RASGRF2: variants seen among roughly 807,000 people sequenced by gnomAD.
RASGRF2 encodes ras-specific guanine nucleotide-releasing factor 2.
A neutral mutation model predicts 151.0 loss-of-function variants in RASGRF2; 76 were observed. That is an observed-to-expected ratio of 0.50 (90% CI 0.42 to 0.61). The LOEUF (loss-of-function observed/expected upper bound fraction) is 0.61, where lower values mean the gene tolerates loss of function less well. RASGRF2 is among the 20% of genes least tolerant of loss of function. The pLI is 0.00. For missense variants in RASGRF2, 1,148 were observed against 1,564.6 expected (o/e 0.73, Z 4.49); for synonymous variants, 504 against 566.5 (o/e 0.89, Z 1.57).
At chr5:81,164,261 T>C (rs1202076480) in intron 17 of RASGRF2, among the ~76,000 whole-genome samples, 1 of 152,226 alleles carries the variant, frequency 6.6e-6, no homozygotes, top group Non-Finnish European at 1.5e-5. Flanking sequence ...AAAGGCCATC[T>C]TCATTTCTTC....
chr5:81,018,100 C>A (rs1749700575), intron 1 of RASGRF2, among the ~76,000 whole-genome samples: 1 of 150,546 alleles, frequency 6.6e-6, no homozygotes, highest in Non-Finnish European at 1.5e-5. Flanking sequence ...CAGAGCGAGA[C>A]TGTCTCAAAA....
In RASGRF2 at chr5:81,176,925, TA is replaced by T. The variant is rs578062474; in HGVS notation, c.2687-3247del. Among the ~76,000 whole-genome samples the T allele has an allele frequency of 8.3e-4, 127 of 152,292 alleles. 1 individual carries two copies. The highest frequency in any genetic ancestry group is 2.9e-3 in the African/African-American group (119 of 41,560). ...TAGTAGTCTCCTTTTGCAGGTAGGA[TA>T]AATTTTTTCCCTGTTACGTTCTTTT... On this transcript the variant is annotated intron_variant, in intron 17 of 26. Coordinates refer to ENST00000265080, the MANE Select transcript of RASGRF2 (RefSeq NM_006909.3).
chr5:81,129,585 C>A (rs1753561402), intron 17 of RASGRF2, among the ~76,000 whole-genome samples: 1 of 152,114 alleles, frequency 6.6e-6, no homozygotes. Flanking sequence ...AAACCTTTCC[C>A]CAAAAGTCCC....
chr5:81,068,040 A>G lies in RASGRF2; in HGVS notation c.404A>G (p.Asp135Gly), dbSNP rs758000146. 3 of 1,603,298 alleles carry G rather than the reference A, an allele frequency of 1.9e-6. No homozygotes were observed. Among genetic ancestry groups the G allele is most frequent in the East Asian group, 2.2e-5 (1 of 44,722 alleles). Reference sequence around the variant, plus strand: ...TGTAATTTTCTCTCAAGTTATGCAGACATTTTGATTGAGAGGGAAGTATTA... The same window carrying G: ...TGTAATTTTCTCTCAAGTTATGCAGGCATTTTGATTGAGAGGGAAGTATTA... Reference protein sequence around the residue: ...MEAIHQASYADILIEREVLMQ... With the variant: ...MEAIHQASYAGILIEREVLMQ... Residue 135 changes from aspartate to glycine, a missense_variant, in exon 3 of 27, where the codon GAC becomes GGC. Physicochemically the swap from Asp to Gly is moderately conservative, Grantham distance 94. Around this residue, in one of 5 missense-constraint regions of RASGRF2, gnomAD observed 221 missense variants for 271.3 expected, o/e 0.81. Coordinates refer to ENST00000265080, the MANE Select transcript of RASGRF2 (RefSeq NM_006909.3).
intron 2 of RASGRF2, among the ~76,000 whole-genome samples, chr5:81,059,851 A>AAAACAAG (rs1295286292): frequency 6.6e-6 from 1 of 152,110 alleles, no homozygotes; most frequent in East Asian, 1.9e-4. Context: ...CAAAAAACAA[A>AAAACAAG]AAACAAAAAA....
chr5:81,067,932 G>T, intron 2 of RASGRF2, 100 bp from the exon 3 acceptor site: 1 of 1,040,190 alleles, frequency 9.6e-7, no homozygotes, highest in Non-Finnish European at 1.3e-6. Context: ...AACAAACAAT[G>T]CTCATAACTT....
chr5:81,031,955 T>G (rs1489594221), intron 1 of RASGRF2, among the ~76,000 whole-genome samples: 2 of 151,940 alleles, frequency 1.3e-5, no homozygotes, highest in Non-Finnish European at 2.9e-5. Flanking sequence ...CAATAAAAAA[T>G]GATAAAGGGG....
chr5:81,016,673 G>C (rs911503906), intron 1 of RASGRF2, among the ~76,000 whole-genome samples: 1 of 151,994 alleles, frequency 6.6e-6, no homozygotes, highest in African/African-American at 2.4e-5. Flanking sequence ...TTACTTCTTT[G>C]AGAATGTAAA....
At chr5:80,989,095 A>T (rs956856737) in intron 1 of RASGRF2, among the ~76,000 whole-genome samples, 1 of 151,996 alleles carries the variant, frequency 6.6e-6, no homozygotes, top group Non-Finnish European at 1.5e-5. Context: ...CTCATGCCTC[A>T]GCCTCCTGAG....
intron 9 of RASGRF2, chr5:81,087,393 C>T: frequency 1.4e-6 from 1 of 697,494 alleles, no homozygotes; most frequent in Non-Finnish European, 2.6e-6. Context: ...TCCCATTTTT[C>T]ATCAGCACTT....
chr5:80,983,185 G>C (rs1257014373), intron 1 of RASGRF2, among the ~76,000 whole-genome samples: 1 of 152,250 alleles, frequency 6.6e-6, no homozygotes, highest in Non-Finnish European at 1.5e-5. Flanking sequence ...CAATGACAGA[G>C]ACCAAGCTGG....
In RASGRF2 at chr5:80,960,848, G is replaced by A. The variant is rs752155760; in HGVS notation, c.110G>A (p.Ser37Asn). 2.8e-5 allele frequency: 45 copies of A among 1,613,778 alleles called. No individual in the cohort carries two copies. The highest frequency in any genetic ancestry group is 3.7e-5 in the Non-Finnish European group (44 of 1,179,778). The stretch of plus-strand genomic sequence containing the variant: ...CTGAGTAAGAAGACGGCCGAGGCGA[G>A]CCGCTGGCACGAGAAGTGGTTCGCC... ...GFLSKKTAEA[S>N]RWHEKWFALY... is the part of the protein sequence containing the mutation. Residue 37 changes from serine (S) to asparagine (N), a missense_variant, in exon 1 of 27, where the codon AGC becomes AAC. Around this residue, in one of 5 missense-constraint regions of RASGRF2, gnomAD observed 221 missense variants for 271.3 expected, o/e 0.81. Transcript: ENST00000265080. This position sits in a 1 kb window ranked among gnomAD's most constrained non-coding sequence, Gnocchi z 5.5.
At chr5:81,021,386 A>C (rs1255221053) in intron 1 of RASGRF2, among the ~76,000 whole-genome samples, 1 of 152,122 alleles carries the variant, frequency 6.6e-6, no homozygotes, top group Non-Finnish European at 1.5e-5. Flanking sequence ...CCACTGAATA[A>C]GTAGAGAAAA....
At chr5:81,113,323 A>C (rs1753053302) in intron 14 of RASGRF2, 1 of 617,820 alleles carries the variant, frequency 1.6e-6, no homozygotes, top group Non-Finnish European at 2.8e-6. Context: ...TTTGGACCAC[A>C]GTTTAGTAGC....
intron 1 of RASGRF2, among the ~76,000 whole-genome samples, chr5:80,976,914 T>G (rs1256532758): frequency 6.6e-6 from 1 of 152,216 alleles, no homozygotes; most frequent in Non-Finnish European, 1.5e-5. Context: ...TGCCACACAT[T>G]GGCAAACTGC....
In RASGRF2 at chr5:81,111,361, A is replaced by G. The variant is rs142900732; in HGVS notation, c.1839-1249A>G. Among the ~76,000 whole-genome samples, 578 of 152,312 alleles carry G rather than the reference A, an allele frequency of 3.8e-3. 5 individuals are homozygous for G. Among genetic ancestry groups the G allele is most frequent in the African/African-American group, 0.013 (557 of 41,568 alleles). The stretch of plus-strand genomic sequence containing the variant: ...GTCCACTTGGAGAGGCTGCCAGTGC[A>G]ATGGTCTGAAGGTGAGGGGTTCGGG... On this transcript the variant is annotated intron_variant, in intron 13 of 26. Coordinates refer to ENST00000265080, the MANE Select transcript of RASGRF2 (RefSeq NM_006909.3).
At chr5:81,216,721 T>C (rs1755747931) in intron 24 of RASGRF2, among the ~76,000 whole-genome samples, 1 of 152,314 alleles carries the variant, frequency 6.6e-6, no homozygotes. Flanking sequence ...TATCACTTAG[T>C]AATTGGTCAA....
At chr5:81,016,651 A>C (rs1395749431) in intron 1 of RASGRF2, among the ~76,000 whole-genome samples, 2 of 152,176 alleles carry the variant, frequency 1.3e-5, no homozygotes, top group African/African-American at 4.8e-5. Flanking sequence ...ATTTAATAGA[A>C]TAATATATTC....
intron 18 of RASGRF2, among the ~76,000 whole-genome samples, chr5:81,194,739 C>T (rs1418665745): frequency 6.6e-6 from 1 of 152,150 alleles, no homozygotes; most frequent in Non-Finnish European, 1.5e-5. Flanking sequence ...AGGGCGTCCC[C>T]AAGGGGGGCC....
Sources: allele counts gnomAD v4.1 joint callset (sites outside exome capture counted in the v4.1 genomes callset), GRCh38; gene constraint gnomAD v4.1.1; regional missense constraint gnomAD v4.1.1; non-coding constraint Gnocchi (gnomAD v3.1); transcripts MANE v1.5; gene names NCBI Gene and HGNC (gene_info 2026-07-23, HGNC 2026-07-21).